The following DNAH17 variants were observed in gnomAD, a reference collection of about 807,000 sequenced individuals.
DNAH17 encodes the protein axonemal beta dynein heavy chain 17.
Under a neutral mutation model 485.6 loss-of-function variants are expected in DNAH17, and 376 were observed. The ratio of observed to expected loss-of-function variants is 0.77; its 90% CI spans 0.71 to 0.84. DNAH17 has a LOEUF of 0.84. DNAH17 is among the 40% of genes least tolerant of loss of function. The probability of loss-of-function intolerance (pLI) is 0.00; values close to 1 mark genes in which losing one functional copy is unlikely to be tolerated. For synonymous variants in DNAH17, 3,031 were observed against 2,405.9 expected (o/e 1.26, Z -7.60); for missense variants, 6,370 against 5,839.3 (o/e 1.09, Z -2.96).
intron 54 of DNAH17, among the ~76,000 whole-genome samples, chr17:78,473,487 T>C: frequency 7.2e-6 from 1 of 138,468 alleles, no homozygotes; most frequent in Non-Finnish European, 1.5e-5. Flanking sequence ...GAGCTTGCAG[T>C]GAGCTGAGAT....
chr17:78,556,846 G>C (rs1330102071), intron 14 of DNAH17, among the ~76,000 whole-genome samples: 1 of 152,198 alleles, frequency 6.6e-6, no homozygotes, highest in African/African-American at 2.4e-5. Flanking sequence ...TTAAAAAGAA[G>C]AAGAATGGTG....
chr17:78,440,109 A>G (rs1196731515), intron 72 of DNAH17, among the ~76,000 whole-genome samples: 1 of 151,940 alleles, frequency 6.6e-6, no homozygotes, highest in East Asian at 1.9e-4. Flanking sequence ...AATTTATAAA[A>G]TTATCTGTAG....
rs71160294 is a variant in DNAH17 at position 78,425,756 on chromosome 17, C to CTTTTTTTT, written c.12916-193_12916-186dup. Among the ~76,000 whole-genome samples, 360 of 120,652 alleles carry CTTTTTTTT rather than the reference C, an allele frequency of 3.0e-3. 39 individuals are homozygous for CTTTTTTTT. Among genetic ancestry groups the CTTTTTTTT allele is most frequent in the African/African-American group, 0.012 (307 of 26,166 alleles). The allele number at this position is 120,652 out of a possible 152,430, so 79.2% of individuals were successfully genotyped here. A position where few individuals can be genotyped will look rare whatever the true frequency, so the allele number is the denominator to read the frequency against. Reference sequence around the variant, plus strand: ...TACCATGACGCAACTTTGGTGTCTGCTTTTTTTTTTTTTTTTTTTTTTTTT... The same window carrying CTTTTTTTT: ...TACCATGACGCAACTTTGGTGTCTGCTTTTTTTTTTTTTTTTTTTTTTTTTTTTTTTTT... On this transcript the variant is annotated intron_variant, in intron 79 of 80. Transcript: ENST00000389840.
chr17:78,425,639 C>A (rs899817752), intron 79 of DNAH17, 68 bp from the exon 80 acceptor site: 1 of 1,429,392 alleles, frequency 7.0e-7, no homozygotes, highest in Non-Finnish European at 9.4e-7. Flanking sequence ...GGGCCTTGGC[C>A]GTTCTGAGCA....
chr17:78,499,179 C>A, intron 36 of DNAH17, 67 bp from the exon 37 acceptor site: 1 of 1,094,524 alleles, frequency 9.1e-7, no homozygotes, highest in South Asian at 1.7e-5. Context: ...GCTGCAGGGG[C>A]CTCCCCCTGC....
chr17:78,484,739 A>ACCCCCCCAGCCCCCCCC, intron 48 of DNAH17, 129 bp downstream of exon 48: 2 of 347,798 alleles, frequency 5.8e-6, no homozygotes, highest in Admixed American at 7.1e-5. Flanking sequence ...ACGTTGCAGC[A>ACCCCCCCAGCCCCCCCC]CCCCCCCCAC....
At chr17:78,463,438 AC>A (rs2088248604) in intron 56 of DNAH17, among the ~76,000 whole-genome samples, 2 of 151,844 alleles carry the variant, frequency 1.3e-5, no homozygotes, top group African/African-American at 4.8e-5. Context: ...ACACGTGCAT[AC>A]GCATTCACAT....
intron 44 of DNAH17, 93 bp from the exon 45 acceptor site, chr17:78,486,599 A>C: frequency 7.0e-7 from 1 of 1,432,308 alleles, no homozygotes; most frequent in South Asian, 1.4e-5. Flanking sequence ...CCTCCACCCA[A>C]TTCTGCTGGG....
chr17:78,535,565 C>T (rs2091352443), intron 19 of DNAH17, among the ~76,000 whole-genome samples: 1 of 152,210 alleles, frequency 6.6e-6, no homozygotes, highest in Non-Finnish European at 1.5e-5. Context: ...TCCCTCCCTC[C>T]TGGACAGGAC....
At chr17:78,499,216 A>C in intron 36 of DNAH17, 104 bp from the exon 37 acceptor site, 1 of 831,532 alleles carries the variant, frequency 1.2e-6, no homozygotes, top group Non-Finnish European at 1.8e-6. Context: ...TCTCTTCCCA[A>C]AGCTTGCTCA....
chr17:78,557,476 T>C (rs2092050121), intron 14 of DNAH17, among the ~76,000 whole-genome samples: 1 of 151,124 alleles, frequency 6.6e-6, no homozygotes, highest in Non-Finnish European at 1.5e-5. Flanking sequence ...AAATTATTTG[T>C]ATTTTTACTA....
chr17:78,511,459 C>A (rs2090633896), intron 26 of DNAH17, among the ~76,000 whole-genome samples: 1 of 152,160 alleles, frequency 6.6e-6, no homozygotes, highest in Non-Finnish European at 1.5e-5. Context: ...TCATGGCAGC[C>A]CCAGGAAGTG....
Position 78,486,207 on chromosome 17 carries a change from C to T in DNAH17, c.7101+17G>A. On this transcript the variant is annotated intron_variant, in intron 45 of 80. Transcript: ENST00000389840. ...GAGAGACCCTGTGTGGGTGGCCGGG[C>T]CCCCCAGGTGCATCACCTGGTCCTG... 2 of 1,582,286 alleles carry T rather than the reference C, an allele frequency of 1.3e-6. No homozygotes were observed. Among genetic ancestry groups the T allele is most frequent in the Non-Finnish European group, 1.7e-6 (2 of 1,161,592 alleles).
chr17:78,444,696 C>T lies in DNAH17; in HGVS notation c.11436G>A (p.Glu3812=). 6.2e-7 allele frequency: 1 copy of T among 1,610,398 alleles called. No homozygotes were observed. Among genetic ancestry groups the T allele is most frequent in the Non-Finnish European group, 8.5e-7 (1 of 1,178,780 alleles). ...TGTTCTTCCACTCCTTGGGGAAGAT[C>T]TCCTTCTCGGGGGCTTCCGACTCCA... ...KLVESEAPEK[E]IFPKEWKNKT... is the part of the protein sequence containing the mutation. The change falls in exon 71 of 81, where the codon GAG becomes GAA. Residue 3812 remains glutamate (E), a synonymous_variant. Transcript: ENST00000389840.
chr17:78,537,007 C>T (rs2091391936), intron 19 of DNAH17, among the ~76,000 whole-genome samples: 1 of 151,412 alleles, frequency 6.6e-6, no homozygotes, highest in Admixed American at 6.6e-5. Flanking sequence ...AACCCAGTCT[C>T]TACTAAAAAA....
Position 78,453,429 on chromosome 17 carries a change from C to A in DNAH17, c.10443G>T (p.Gly3481=). 1.2e-6 allele frequency: 2 copies of A among 1,613,966 alleles called. No homozygotes were observed. The highest frequency in any genetic ancestry group is 1.7e-5 in the Admixed American group (1 of 60,018). Residue 3481 remains glycine (G), a synonymous_variant, in exon 65 of 81, where the codon GGG becomes GGT. Coordinates refer to ENST00000389840, the MANE Select transcript of DNAH17 (RefSeq NM_173628.4). The part of the protein sequence containing the change: ...LDVIEQAISE[G]DTLLIENIGE... ...CGATGTTCTCAATGAGCAAGGTGTC[C>A]CCTTCCGAGATGGCCTGCTCGATGA... is the stretch of plus-strand genomic sequence containing the variant.
intron 14 of DNAH17, 55 bp from the exon 15 acceptor site, chr17:78,552,860 T>A (rs2143574837): frequency 7.8e-7 from 1 of 1,283,290 alleles, no homozygotes. Context: ...TTTAAATTGT[T>A]CTCTGGTAAG....
chr17:78,504,158 T>C (rs1485399765), intron 31 of DNAH17, among the ~76,000 whole-genome samples: 3 of 151,626 alleles, frequency 2.0e-5, no homozygotes, highest in Non-Finnish European at 4.4e-5. Context: ...CTCTGTCTCC[T>C]AGGTTCAAGT....
intron 16 of DNAH17, among the ~76,000 whole-genome samples, chr17:78,549,730 C>G (rs1164059139): frequency 6.6e-6 from 1 of 152,174 alleles, no homozygotes; most frequent in African/African-American, 2.4e-5. Flanking sequence ...AGTGGTCAAG[C>G]TGGGGCCTCA....
Sources: gnomAD v4.1 joint callset for allele counts (sites outside exome capture counted in the v4.1 genomes callset) on GRCh38, gnomAD v4.1.1 for gene constraint, MANE v1.5 for transcripts, NCBI Gene and HGNC (gene_info 2026-07-23, HGNC 2026-07-21) for gene names.